Variants in RAB30 observed in about 807,000 individuals in gnomAD.
RAB30 encodes RAB30, member RAS oncogene family, also known as ras-related protein Rab-30.
A neutral mutation model predicts 25.1 loss-of-function variants in RAB30; 9 were observed. The ratio of observed to expected loss-of-function variants is 0.36; its 90% CI spans 0.22 to 0.63. The LOEUF (loss-of-function observed/expected upper bound fraction) is 0.63, where lower values mean the gene tolerates loss of function less well. RAB30 is among the 20% of genes least tolerant of loss of function. The probability of loss-of-function intolerance (pLI) is 0.69; values close to 1 mark genes in which losing one functional copy is unlikely to be tolerated. For missense variants in RAB30, 140 were observed against 243.5 expected (o/e 0.58, Z 2.83); for synonymous variants, 77 against 86.4 (o/e 0.89, Z 0.60).
intron 1 of RAB30, among the ~76,000 whole-genome samples, chr11:83,042,081 C>T (rs980261341): frequency 5.9e-5 from 9 of 151,328 alleles, no homozygotes; most frequent in Admixed American, 2.0e-4. Flanking sequence ...CACTCCTCTA[C>T]TATTTGTTCA....
intron 1 of RAB30, among the ~76,000 whole-genome samples, chr11:82,999,323 TA>T (rs1383718152): frequency 6.6e-6 from 1 of 152,280 alleles, no homozygotes; most frequent in East Asian, 1.9e-4. Context: ...TATGGTATCA[TA>T]AAAAATGGAG....
At chr11:82,990,292 C>G (rs1856825362) in intron 3 of RAB30, among the ~76,000 whole-genome samples, 1 of 152,222 alleles carries the variant, frequency 6.6e-6, no homozygotes, top group Non-Finnish European at 1.5e-5. Flanking sequence ...TTTGACCTTA[C>G]ACCCCCAGTA....
intron 1 of RAB30, among the ~76,000 whole-genome samples, chr11:83,041,907 T>C (rs889589098): frequency 6.6e-6 from 1 of 151,510 alleles, no homozygotes; most frequent in African/African-American, 2.4e-5. Context: ...ACAGGTGTGG[T>C]GGCACATGCC....
At chr11:82,986,773 G>A (rs192265833) in intron 4 of RAB30, among the ~76,000 whole-genome samples, 198 of 152,212 alleles carry the variant, frequency 1.3e-3, no homozygotes, top group African/African-American at 4.5e-3. Flanking sequence ...AAAGTTCCTC[G>A]TATCATTCCT....
At chr11:83,014,634 AAAAGAAAGAAAGAAAGAAAGAAAGAAAG>A (rs58927757) in intron 1 of RAB30, among the ~76,000 whole-genome samples, 19 of 112,708 alleles carry the variant, frequency 1.7e-4, no homozygotes, top group African/African-American at 6.2e-4. Flanking sequence ...AGAAGTAAGA[AAAAGAAAGAAAGAAAGAAAGAAAGAAAG>A]AAAGAAAGAA....
intron 1 of RAB30, among the ~76,000 whole-genome samples, chr11:83,026,626 C>A (rs1032865477): frequency 1.3e-5 from 2 of 152,000 alleles, no homozygotes; most frequent in African/African-American, 4.8e-5. Context: ...GATTTCCTTT[C>A]TTTATAATTT....
In RAB30 at chr11:83,048,218, C is replaced by A. The variant is rs1487444510; in HGVS notation, c.-9+23473G>T. Among the ~76,000 whole-genome samples, 5 of 152,204 alleles carry A rather than the reference C, an allele frequency of 3.3e-5. No individual in the cohort carries two copies. In the South Asian group the frequency reaches 1.0e-3, roughly 32 times the overall value. On this transcript the variant is annotated intron_variant, in intron 1 of 4. Transcript: ENST00000527633. Reference sequence around the variant, plus strand: ...AGAAGGTTTAAAAAGAAAAAAAATCCCACCTCTAATCCCAGCACTTAGAGG... The same window carrying A: ...AGAAGGTTTAAAAAGAAAAAAAATCACACCTCTAATCCCAGCACTTAGAGG...
rs951376123 is a variant in RAB30, at chr11:82,977,243, C to T, written c.*4922G>A. ...CAATGAATGGACCGACAAAGCAAGT[C>T]CAGCATAGGGCATAATGGAGGGCCA... is the stretch of plus-strand genomic sequence containing the variant. On this transcript the variant is annotated 3_prime_UTR_variant, in exon 5 of 5. Transcript: ENST00000527633. The T allele has an allele frequency of 1.3e-5, 2 of 152,140 alleles. No individual in the cohort carries two copies. The highest frequency in any genetic ancestry group is 2.9e-5 in the Non-Finnish European group (2 of 68,026). The allele number at this position is 152,140 out of a possible 1,614,324, so 9.4% of individuals were successfully genotyped here.
Position 82,982,247 on chromosome 11 carries a change from T to C in RAB30, c.530A>G (p.Asn177Ser), listed in dbSNP as rs1486590343. 2 of 1,614,256 alleles carry C rather than the reference T, an allele frequency of 1.2e-6. No homozygotes were observed. Among genetic ancestry groups the C allele is most frequent in the Non-Finnish European group, 1.7e-6 (2 of 1,180,038 alleles). ...ACRLISEARQ[N>S]TLVNNVSSPL... ...TGAGGATACATTGTTCACAAGTGTG[T>C]TCTGTCTGGCTTCACTGATGAGTCG... Residue 177 changes from asparagine (N) to serine (S), a missense_variant, in exon 5 of 5, where the codon AAC (asparagine) becomes AGC (serine). Asn to Ser is a conservative substitution (Grantham distance 46, BLOSUM62 1). Coordinates refer to ENST00000527633, the MANE Select transcript of RAB30 (RefSeq NM_001286060.2).
chr11:83,042,029 CAAAAA>C (rs61607477), intron 1 of RAB30, among the ~76,000 whole-genome samples: 1 of 95,132 alleles, frequency 1.1e-5, no homozygotes. Context: ...GACTCTGTCT[CAAAAA>C]AAAAAAAAAA....
intron 1 of RAB30, among the ~76,000 whole-genome samples, chr11:83,045,750 C>T (rs995612782): frequency 6.6e-6 from 1 of 152,202 alleles, no homozygotes; most frequent in Non-Finnish European, 1.5e-5. Context: ...TATGACTATA[C>T]ATATTATAGT....
At chr11:83,067,150 T>C (rs187758753) in intron 1 of RAB30, among the ~76,000 whole-genome samples, 10 of 152,174 alleles carry the variant, frequency 6.6e-5, no homozygotes, top group African/African-American at 2.4e-4. Context: ...AAGTACCTCT[T>C]TGTACGTGAT....
rs116753547 is a variant in RAB30 at position 83,050,430 on chromosome 11, C to T, written c.-9+21261G>A. ...CTATTGTTCAACAGACTGTCTGGCA[C>T]ACAACAGGTACTTCATAACAACAGG... On this transcript the variant is annotated intron_variant, in intron 1 of 4. Transcript: ENST00000527633. 7.2e-3 allele frequency among the ~76,000 whole-genome samples: 1,100 copies of T among 152,166 alleles called. 21 individuals carry two copies. The highest frequency in any genetic ancestry group is 0.026 in the African/African-American group (1,061 of 41,502).
chr11:82,993,257 C>T (rs1283540155), intron 3 of RAB30, among the ~76,000 whole-genome samples: 1 of 152,146 alleles, frequency 6.6e-6, no homozygotes, highest in African/African-American at 2.4e-5. Context: ...GTGGGGTGTA[C>T]TGGTTGGTGA....
At chr11:83,045,418 AC>A (rs926732334) in intron 1 of RAB30, among the ~76,000 whole-genome samples, 1 of 152,180 alleles carries the variant, frequency 6.6e-6, no homozygotes, top group African/African-American at 2.4e-5. Context: ...GGCATGAGCT[AC>A]CACACCCAGC....
intron 3 of RAB30, among the ~76,000 whole-genome samples, chr11:82,989,975 T>C (rs1246008795): frequency 6.6e-6 from 1 of 152,250 alleles, no homozygotes; most frequent in African/African-American, 2.4e-5. Context: ...TCAACGCTGA[T>C]TTCAAACAGC....
At chr11:83,055,189 A>G (rs1229512662) in intron 1 of RAB30, among the ~76,000 whole-genome samples, 1 of 152,214 alleles carries the variant, frequency 6.6e-6, no homozygotes. Flanking sequence ...TGTTAGGGTT[A>G]TTAAATCTGC....
intron 1 of RAB30, among the ~76,000 whole-genome samples, chr11:83,020,754 G>A (rs1388175137): frequency 6.6e-6 from 1 of 152,218 alleles, no homozygotes; most frequent in East Asian, 1.9e-4. Flanking sequence ...ACGGAACAGA[G>A]GGAGGATGGG....
chr11:82,976,537 A>G lies in RAB30; in HGVS notation c.*5628T>C, dbSNP rs1214654959. 1 of 152,228 alleles carries G rather than the reference A, an allele frequency of 6.6e-6. No individual in the cohort carries two copies. Among genetic ancestry groups the G allele is most frequent in the African/African-American group, 2.4e-5 (1 of 41,456 alleles). The allele number at this position is 152,228 out of a possible 1,614,324, so 9.4% of individuals were successfully genotyped here. On this transcript the variant is annotated 3_prime_UTR_variant, in exon 5 of 5. Transcript: ENST00000527633. ...CACCGATTCCGTCAGGAACTAGAAC[A>G]CAGCATCTCCAAAAATTCTGCTTTA...
Sources: gnomAD v4.1 joint callset for allele counts (sites outside exome capture counted in the v4.1 genomes callset) on GRCh38, gnomAD v4.1.1 for gene constraint, MANE v1.5 for transcripts, NCBI Gene and HGNC (gene_info 2026-07-23, HGNC 2026-07-21) for gene names.